The following ETS1 variants were observed in gnomAD, a reference collection of about 807,000 sequenced individuals.
ETS1 encodes the protein protein C-ets-1.
A neutral mutation model predicts 58.6 loss-of-function variants in ETS1; 15 were observed. That is an observed-to-expected ratio of 0.26 (90% CI 0.17 to 0.39). The LOEUF (loss-of-function observed/expected upper bound fraction) is 0.39, where lower values mean the gene tolerates loss of function less well. Among genes scored for constraint, ETS1 ranks in the 10% least tolerant of loss-of-function variants. ETS1 has a pLI of 1.00. For missense variants in ETS1, 417 were observed against 610.5 expected, an observed-to-expected ratio of 0.68 and a Z score of 3.34; for synonymous variants, 214 against 218.2, an observed-to-expected ratio of 0.98 and a Z score of 0.17.
At chr11:128,580,618 A>G (rs944067196) in intron 1 of ETS1, among the ~76,000 whole-genome samples, 3 of 152,232 alleles carry the variant, frequency 2.0e-5, no homozygotes, top group Admixed American at 6.5e-5. Context: ...GTAATCCAAC[A>G]TTACAGTAGT....
At chr11:128,554,419 A>C (rs79009570) in intron 3 of ETS1, among the ~76,000 whole-genome samples, 3,333 of 152,214 alleles carry the variant, frequency 0.022, 133 homozygotes, top group East Asian at 0.16. Flanking sequence ...ACTATAAACT[A>C]TGAGAAGAAG....
chr11:128,484,405 A>G lies in ETS1; in HGVS notation c.862+418T>C, dbSNP rs1011387743. Among the ~76,000 whole-genome samples the G allele has an allele frequency of 1.3e-5, 2 of 152,194 alleles. 1 individual carries two copies. The highest frequency in any genetic ancestry group is 2.9e-5 in the Non-Finnish European group (2 of 68,040). On this transcript the variant is annotated intron_variant, in intron 7 of 9. Coordinates refer to ENST00000392668, the MANE Select transcript of ETS1 (RefSeq NM_001143820.2). ...GCTAGGATCTACAGTCAGACCCAGG[A>G]GTCCTCTGGGAGGAGCACCAGGACA...
chr11:128,467,346 C>T (rs1862066664), intron 8 of ETS1, among the ~76,000 whole-genome samples: 1 of 152,202 alleles, frequency 6.6e-6, no homozygotes, highest in Non-Finnish European at 1.5e-5. Flanking sequence ...CACCCACATC[C>T]AGGCCCATCA....
chr11:128,459,905 T>C lies in ETS1; in HGVS notation c.*2456A>G, dbSNP rs1210219147. 4 of 152,340 alleles carry C rather than the reference T, an allele frequency of 2.6e-5. No homozygotes were observed. The highest frequency in any genetic ancestry group is 2.0e-4 in the Admixed American group (3 of 15,280). 9.4% of individuals were successfully genotyped at this position (152,340 alleles called of 1,614,324 possible). ...AGAAGGAGAGTTTCCGGCATAAATT[T>C]AATAGGAACGGTGGATGATTTGAGA... On this transcript the variant is annotated 3_prime_UTR_variant, in exon 10 of 10. Coordinates refer to ENST00000392668, the MANE Select transcript of ETS1 (RefSeq NM_001143820.2).
chr11:128,484,341 G>C (rs1862567327), intron 7 of ETS1, among the ~76,000 whole-genome samples: 1 of 152,100 alleles, frequency 6.6e-6, no homozygotes, highest in Non-Finnish European at 1.5e-5. Context: ...GGAGGCTAAA[G>C]ATCCCAGGCT....
Position 128,480,419 on chromosome 11 carries a change from T to C in ETS1, c.895A>G (p.Ile299Val), listed in dbSNP as rs1426055153. The change falls in exon 8 of 10, where the codon ATA becomes GTA. Residue 299 changes from isoleucine (I) to valine (V), a missense_variant. Around this residue, in one of 4 missense-constraint regions of ETS1, gnomAD observed 139 missense variants for 152.1 expected, o/e 0.91. Transcript: ENST00000392668. The stretch of plus-strand genomic sequence containing the variant: ...CGATCACAACTATCGTAGCTCTCTA[T>C]GCTTTCAAAAGAGTCCTGGCCCCCG... Reference protein sequence around the residue: ...KLGGQDSFESIESYDSCDRLT... With the variant: ...KLGGQDSFESVESYDSCDRLT... 3 of 1,613,598 alleles carry C rather than the reference T, an allele frequency of 1.9e-6. No individual in the cohort carries two copies. The highest frequency in any genetic ancestry group is 2.2e-5 in the South Asian group (2 of 91,072).
At chr11:128,504,203 T>C (rs1863168473) in intron 3 of ETS1, among the ~76,000 whole-genome samples, 1 of 152,162 alleles carries the variant, frequency 6.6e-6, no homozygotes, top group Non-Finnish European at 1.5e-5. Flanking sequence ...TACTCCAAGG[T>C]TTGTGTAGAC....
At chr11:128,468,217 G>T (rs575540572) in intron 8 of ETS1, among the ~76,000 whole-genome samples, 1 of 152,324 alleles carries the variant, frequency 6.6e-6, no homozygotes, top group African/African-American at 2.4e-5. Flanking sequence ...TTTAAAAAAA[G>T]TAAAGCTTCA....
intron 2 of ETS1, among the ~76,000 whole-genome samples, chr11:128,557,608 AAAG>A (rs1864332730): frequency 2.6e-5 from 4 of 152,328 alleles, no homozygotes; most frequent in South Asian, 2.1e-4. Context: ...AAATTCACAG[AAAG>A]AAGATTTCCT....
At chr11:128,478,455 G>GAGGAAGGAAGGAAGGAAGGA (rs1214297560) in intron 8 of ETS1, among the ~76,000 whole-genome samples, 5 of 102,280 alleles carry the variant, frequency 4.9e-5, no homozygotes, top group African/African-American at 5.2e-5. Context: ...GAGAGGGAGG[G>GAGGAAGGAAGGAAGGAAGGA]AGGAAGGAAG....
At chr11:128,515,352 C>T (rs1308256532) in intron 3 of ETS1, among the ~76,000 whole-genome samples, 1 of 152,074 alleles carries the variant, frequency 6.6e-6, no homozygotes, top group Non-Finnish European at 1.5e-5. Context: ...CTTATCACAG[C>T]TACCCAAAGC....
intron 1 of ETS1, among the ~76,000 whole-genome samples, chr11:128,575,394 C>T (rs1309224097): frequency 4.6e-5 from 7 of 152,166 alleles, no homozygotes; most frequent in African/African-American, 9.7e-5. Flanking sequence ...ACTGAAACCT[C>T]GGAAGGCAAA....
At chr11:128,544,871 C>T (rs551135264) in intron 3 of ETS1, among the ~76,000 whole-genome samples, 3 of 152,216 alleles carry the variant, frequency 2.0e-5, no homozygotes, top group Non-Finnish European at 2.9e-5. Flanking sequence ...CACAATTAGT[C>T]TCTCTATTCA....
At chr11:128,495,185 C>T (rs1294170860) in intron 3 of ETS1, among the ~76,000 whole-genome samples, 1 of 152,056 alleles carries the variant, frequency 6.6e-6, no homozygotes, top group Non-Finnish European at 1.5e-5. Flanking sequence ...GTCACAAGGC[C>T]AAGAGGGACC....
Position 128,480,454 on chromosome 11 carries a change from G to A in ETS1, c.863-3C>T. 1 of 1,607,554 alleles carries A rather than the reference G, an allele frequency of 6.2e-7. No homozygotes were observed. The highest frequency in any genetic ancestry group is 1.7e-5 in the Admixed American group (1 of 59,964). Reference sequence around the variant, plus strand: ...AGAGTCCTGGCCCCCGAGTTTACCTGGAGGTAAAGGAGGAGGTAGGAAGAG... The same window carrying A: ...AGAGTCCTGGCCCCCGAGTTTACCTAGAGGTAAAGGAGGAGGTAGGAAGAG... On this transcript the variant is annotated splice_polypyrimidine_tract_variant and splice_region_variant and intron_variant, in intron 7 of 9. Coordinates refer to ENST00000392668, the MANE Select transcript of ETS1 (RefSeq NM_001143820.2).
intron 3 of ETS1, among the ~76,000 whole-genome samples, chr11:128,552,606 A>G (rs1864248172): frequency 6.6e-6 from 1 of 152,202 alleles, no homozygotes; most frequent in Admixed American, 6.5e-5. Context: ...ATACTATAAC[A>G]CTTTGGAAGA....
intron 2 of ETS1, among the ~76,000 whole-genome samples, chr11:128,562,182 G>A (rs1007823903): frequency 4.6e-5 from 7 of 152,132 alleles, no homozygotes; most frequent in African/African-American, 9.7e-5. Context: ...AGGCCAAGGC[G>A]GGCAGATCAC....
chr11:128,541,157 C>T lies in ETS1; in HGVS notation c.214+15134G>A, dbSNP rs576876684. ...TCATTCCCAGTCCCCTGGTGCTCACCAGCTCTGCAGCTTGGCTGTGTCCGT... is the reference window on the plus strand; with the variant it reads ...TCATTCCCAGTCCCCTGGTGCTCACTAGCTCTGCAGCTTGGCTGTGTCCGT... On this transcript the variant is annotated intron_variant, in intron 3 of 9. Coordinates refer to ENST00000392668, the MANE Select transcript of ETS1 (RefSeq NM_001143820.2). Among the ~76,000 whole-genome samples, 51 of 152,302 alleles carry T rather than the reference C, an allele frequency of 3.3e-4. 1 individual carries two copies. In the East Asian group the frequency reaches 9.8e-3, roughly 29 times the overall value.
rs965082655 is a variant in ETS1, at chr11:128,464,437, T to G, written c.1124-810A>C. Among the ~76,000 whole-genome samples, 1 of 151,834 alleles carries G rather than the reference T, an allele frequency of 6.6e-6. No individual in the cohort carries two copies. The highest frequency in any genetic ancestry group is 1.5e-5 in the Non-Finnish European group (1 of 67,958). On this transcript the variant is annotated intron_variant, in intron 8 of 9. Coordinates refer to ENST00000392668, the MANE Select transcript of ETS1 (RefSeq NM_001143820.2). This position sits in a 1 kb window ranked among gnomAD's most constrained non-coding sequence, Gnocchi z 4.1. ...CATCAACACTCTGACAGTCAATTTA[T>G]TCTATGCTAAAAGGTTTATATCACA...
Sources: allele counts gnomAD v4.1 joint callset (sites outside exome capture counted in the v4.1 genomes callset), GRCh38; gene constraint gnomAD v4.1.1; regional missense constraint gnomAD v4.1.1; non-coding constraint Gnocchi (gnomAD v3.1); transcripts MANE v1.5; gene names NCBI Gene and HGNC (gene_info 2026-07-23, HGNC 2026-07-21).